The following TRPC7 variants were observed in gnomAD, a reference collection of about 807,000 sequenced individuals.
The protein encoded by TRPC7 is transient receptor potential cation channel subfamily C member 7.
TRPC7 carries 42 observed loss-of-function variants against 90.1 expected under a neutral mutation model. That is an observed-to-expected ratio of 0.47 (90% CI 0.36 to 0.60). The LOEUF (loss-of-function observed/expected upper bound fraction) is 0.60, where lower values mean the gene tolerates loss of function less well. TRPC7 is among the 20% of genes least tolerant of loss of function. TRPC7 has a pLI of 0.00. For synonymous variants in TRPC7, 451 were observed against 436.3 expected, an observed-to-expected ratio of 1.03 and a Z score of -0.42; for missense variants, 955 against 1,112.3, an observed-to-expected ratio of 0.86 and a Z score of 2.01.
intron 5 of TRPC7, among the ~76,000 whole-genome samples, chr5:136,260,680 G>A (rs1435973132): frequency 2.0e-5 from 3 of 152,174 alleles, no homozygotes; most frequent in African/African-American, 7.2e-5. Context: ...GAAGCCACTG[G>A]AGTCTTGATG....
chr5:136,304,336 C>A (rs1419081529), intron 3 of TRPC7, among the ~76,000 whole-genome samples: 1 of 152,160 alleles, frequency 6.6e-6, no homozygotes, highest in Non-Finnish European at 1.5e-5. Flanking sequence ...GGATTAAAGC[C>A]TGTTATCACT....
chr5:136,347,083 A>T (rs879420568), intron 2 of TRPC7, among the ~76,000 whole-genome samples: 1 of 152,192 alleles, frequency 6.6e-6, no homozygotes, highest in Admixed American at 6.5e-5. Context: ...GGCAGAAACC[A>T]CCAGAAACTA....
At chr5:136,242,561 A>C (rs534268655) in intron 7 of TRPC7, among the ~76,000 whole-genome samples, 1 of 152,370 alleles carries the variant, frequency 6.6e-6, no homozygotes, top group South Asian at 2.1e-4. Flanking sequence ...TGCTTAAAAA[A>C]AATTGCCTGC....
intron 3 of TRPC7, among the ~76,000 whole-genome samples, chr5:136,300,130 G>A (rs1448929666): frequency 1.3e-5 from 2 of 152,324 alleles, no homozygotes; most frequent in East Asian, 3.9e-4. Flanking sequence ...CAGGCAAAAA[G>A]CAATAGTTTT....
intron 5 of TRPC7, 117 bp downstream of exon 5, chr5:136,266,103 A>C (rs1437992717): frequency 1.1e-6 from 1 of 894,004 alleles, no homozygotes; most frequent in African/African-American, 1.7e-5. Context: ...TCATCCACTC[A>C]CCATTTTGTC....
At chr5:136,228,635 G>C (rs115141919) in intron 8 of TRPC7, among the ~76,000 whole-genome samples, 16 of 151,978 alleles carry the variant, frequency 1.1e-4, no homozygotes, top group African/African-American at 2.9e-4. Flanking sequence ...GGGCTGGGGT[G>C]GGGGGAGTTG....
chr5:136,272,705 C>A (rs1272434824), intron 4 of TRPC7, among the ~76,000 whole-genome samples: 1 of 152,048 alleles, frequency 6.6e-6, no homozygotes, highest in Non-Finnish European at 1.5e-5. Context: ...TCTGGGGGCA[C>A]CAAATGTCAA....
chr5:136,225,439 CAT>C (rs1755595070), intron 9 of TRPC7, 85 bp from the exon 10 acceptor site: 11 of 1,348,772 alleles, frequency 8.2e-6, no homozygotes. Context: ...GAACAGTATC[CAT>C]ATACGGGGCT....
chr5:136,277,478 G>C (rs1035211295), intron 3 of TRPC7, among the ~76,000 whole-genome samples: 1 of 152,184 alleles, frequency 6.6e-6, no homozygotes, highest in African/African-American at 2.4e-5. Context: ...GCCCTTCAAA[G>C]ACAGTTCAAT....
chr5:136,365,427 T>C lies in TRPC7; in HGVS notation c.-173A>G. The C allele has an allele frequency of 1.5e-6, 1 of 657,554 alleles. No homozygotes were observed. The highest frequency in any genetic ancestry group is 2.7e-6 in the Non-Finnish European group (1 of 376,840). 40.7% of individuals were successfully genotyped at this position (657,554 alleles called of 1,614,324 possible). ...GCAACGATGTGAAAGCGCGCTCCTC[T>C]GTTCTTTGTGTTGCAGTGGTAAAAA... is the stretch of plus-strand genomic sequence containing the variant. On this transcript the variant is annotated 5_prime_UTR_variant, in exon 1 of 12. Transcript: ENST00000513104.
intron 2 of TRPC7, among the ~76,000 whole-genome samples, chr5:136,354,636 C>T (rs1417584783): frequency 1.3e-5 from 2 of 152,190 alleles, no homozygotes; most frequent in African/African-American, 2.4e-5. Flanking sequence ...GTTAATTTCC[C>T]AAACTCTAGT....
chr5:136,247,379 A>C lies in TRPC7; in HGVS notation c.1844+92T>G. 2.2e-6 allele frequency: 3 copies of C among 1,368,492 alleles called. No individual in the cohort carries two copies. Among genetic ancestry groups the C allele is most frequent in the Non-Finnish European group, 3.0e-6 (3 of 1,008,984 alleles). The allele number at this position is 1,368,492 out of a possible 1,614,324, so 84.8% of individuals were successfully genotyped here. ...TAACCTTGAGAGATAGCAAGGAAAC[A>C]GCAGTCTCTGCAAGAAGCCACCTTC... is the stretch of plus-strand genomic sequence containing the variant. On this transcript the variant is annotated intron_variant, in intron 7 of 11. Coordinates refer to ENST00000513104, the MANE Select transcript of TRPC7 (RefSeq NM_020389.3). This position sits in a 1 kb window ranked among gnomAD's most constrained non-coding sequence, Gnocchi z 4.2.
intron 3 of TRPC7, among the ~76,000 whole-genome samples, chr5:136,312,466 C>A (rs1336045805): frequency 6.6e-6 from 1 of 152,046 alleles, no homozygotes; most frequent in Non-Finnish European, 1.5e-5. Flanking sequence ...CCTCTCATAT[C>A]AGTTCATTTG....
At chr5:136,277,648 C>T (rs557112474) in intron 3 of TRPC7, among the ~76,000 whole-genome samples, 10 of 152,274 alleles carry the variant, frequency 6.6e-5, no homozygotes, top group East Asian at 5.8e-4. Context: ...AGGAAGAACT[C>T]GGGGTGTGAC....
rs541858255 is a variant in TRPC7, at chr5:136,241,481, C to T, written c.1844+5990G>A. Among the ~76,000 whole-genome samples the T allele has an allele frequency of 6.6e-5, 10 of 152,350 alleles. No individual in the cohort carries two copies. The South Asian group carries it at 2.1e-3, about 32-fold the overall frequency. On this transcript the variant is annotated intron_variant, in intron 7 of 11. Transcript: ENST00000513104. ...CCTACTCTGGACCACCTCATTGCCT[C>T]CGGCCCCTCCTATTCTCTGTGTAGC...
intron 2 of TRPC7, among the ~76,000 whole-genome samples, chr5:136,352,373 G>A (rs1760219660): frequency 6.6e-6 from 1 of 152,066 alleles, no homozygotes; most frequent in South Asian, 2.1e-4. Context: ...CAGCTCCACA[G>A]AAAAATAAAA....
At chr5:136,360,474 C>CA (rs905892741) in intron 1 of TRPC7, among the ~76,000 whole-genome samples, 5 of 151,304 alleles carry the variant, frequency 3.3e-5, no homozygotes, top group African/African-American at 7.3e-5. Context: ...TATGTTTTAT[C>CA]AAAAAAAATA....
intron 10 of TRPC7, among the ~76,000 whole-genome samples, chr5:136,224,255 G>A (rs1275597628): frequency 6.6e-6 from 1 of 152,200 alleles, no homozygotes; most frequent in Non-Finnish European, 1.5e-5. Context: ...GGAGTGGCCT[G>A]CCCTTTTATA....
chr5:136,359,518 C>A (rs1458692640), intron 1 of TRPC7, among the ~76,000 whole-genome samples: 1 of 152,100 alleles, frequency 6.6e-6, no homozygotes, highest in African/African-American at 2.4e-5. Context: ...TCCTTCTGAG[C>A]CCATTCCTTT....
Sources: gnomAD v4.1 joint callset for allele counts (sites outside exome capture counted in the v4.1 genomes callset) on GRCh38, gnomAD v4.1.1 for gene constraint, Gnocchi (gnomAD v3.1) non-coding constraint, MANE v1.5 for transcripts, NCBI Gene and HGNC (gene_info 2026-07-23, HGNC 2026-07-21) for gene names.